Variants in LARP4B observed in about 807,000 individuals in gnomAD.
LARP4B encodes La ribonucleoprotein 4B.
In LARP4B, 12 loss-of-function variants were observed where a neutral mutation model predicts 89.8. That is an observed-to-expected ratio of 0.13 (90% CI 0.09 to 0.22). The LOEUF (loss-of-function observed/expected upper bound fraction) is 0.22, where lower values mean the gene tolerates loss of function less well. Ranked by LOEUF, LARP4B falls within the 10% of genes least tolerant of loss-of-function variation. The pLI is 1.00. For missense variants in LARP4B, 757 were observed against 947.7 expected (o/e 0.80, Z 2.64); for synonymous variants, 367 against 363.3 (o/e 1.01, Z -0.12).
Position 814,846 on chromosome 10 carries a change from G to A in LARP4B, c.1825C>T (p.Pro609Ser), listed in dbSNP as rs759233878. 7 of 1,591,812 alleles carry A rather than the reference G, an allele frequency of 4.4e-6. No homozygotes were observed. The highest frequency in any genetic ancestry group is 4.3e-6 in the Non-Finnish European group (5 of 1,163,744). The change falls in exon 17 of 18, where the codon CCC becomes TCC. Residue 609 changes from proline (P) to serine (S), a missense_variant. Around this residue, in one of 5 missense-constraint regions of LARP4B, gnomAD observed 387 missense variants for 423.6 expected, o/e 0.91. Transcript: ENST00000316157. This position sits in a 1 kb window ranked among gnomAD's most constrained non-coding sequence, Gnocchi z 4.4. ...SPSPAHLPDD[P>S]KVAEKQRETH... ...TCCCTCTGTTTCTCCGCCACCTTGG[G>A]ATCACTGTAAAAATGCCACCCGATA... is the stretch of plus-strand genomic sequence containing the variant.
intron 3 of LARP4B, among the ~76,000 whole-genome samples, chr10:868,091 CA>C (rs1015871398): frequency 6.6e-6 from 1 of 151,790 alleles, no homozygotes; most frequent in Non-Finnish European, 1.5e-5. Flanking sequence ...AATAACGTAT[CA>C]ATTAATAAGC....
chr10:915,185 T>C lies in LARP4B; in HGVS notation c.-40+16243A>G, dbSNP rs1588987080. Among the ~76,000 whole-genome samples the C allele has an allele frequency of 3.3e-5, 5 of 152,150 alleles. No individual in the cohort carries two copies. The South Asian group carries it at 1.0e-3, about 32-fold the overall frequency. On this transcript the variant is annotated intron_variant, in intron 1 of 17. Coordinates refer to ENST00000316157, the MANE Select transcript of LARP4B (RefSeq NM_015155.3). ...TAAAATAGCTTTATACTCAGGAGGC[T>C]GAGGTGGGAGGATCACTTGAGCCCA...
At chr10:854,093 C>T (rs1834183628) in intron 5 of LARP4B, among the ~76,000 whole-genome samples, 1 of 152,224 alleles carries the variant, frequency 6.6e-6, no homozygotes, top group African/African-American at 2.4e-5. Flanking sequence ...ATTTTCTTTG[C>T]TCATCCATAA....
At chr10:851,002 A>G (rs1186152279) in intron 5 of LARP4B, among the ~76,000 whole-genome samples, 3 of 152,168 alleles carry the variant, frequency 2.0e-5, no homozygotes, top group South Asian at 2.1e-4. Context: ...CTAAATGACT[A>G]TATCAGAAAA....
chr10:922,434 C>T (rs1243470459), intron 1 of LARP4B, among the ~76,000 whole-genome samples: 1 of 152,168 alleles, frequency 6.6e-6, no homozygotes, highest in East Asian at 1.9e-4. Context: ...GTCAATGGAG[C>T]AAGGCACAGG....
At chr10:843,101 A>G (rs374131748) in intron 6 of LARP4B, 33 bp from the exon 7 acceptor site, 1 of 1,597,570 alleles carries the variant, frequency 6.3e-7, no homozygotes, top group Non-Finnish European at 8.6e-7. Context: ...TTTAATCAGT[A>G]TTTCTTTAAA....
At chr10:842,730 C>T (rs999547888) in intron 7 of LARP4B, among the ~76,000 whole-genome samples, 2 of 152,096 alleles carry the variant, frequency 1.3e-5, no homozygotes, top group Admixed American at 6.5e-5. Flanking sequence ...GGTTTCATAA[C>T]GGGTTCAACT....
chr10:864,907 C>T (rs1421063917), intron 3 of LARP4B, among the ~76,000 whole-genome samples: 4 of 152,128 alleles, frequency 2.6e-5, no homozygotes, highest in East Asian at 1.9e-4. Context: ...AAGCTGAGAT[C>T]GCACCACTGC....
At chr10:813,273 A>C in intron 17 of LARP4B, 60 bp from the exon 18 acceptor site, 1 of 1,472,970 alleles carries the variant, frequency 6.8e-7, no homozygotes, top group South Asian at 1.4e-5. Context: ...ACAAGACAGG[A>C]AATCAAGTTC....
chr10:885,983 C>G (rs1451446017), intron 1 of LARP4B, among the ~76,000 whole-genome samples: 2 of 152,110 alleles, frequency 1.3e-5, no homozygotes, highest in African/African-American at 2.4e-5. Context: ...AAGATGGCCA[C>G]ACTCTAAAAC....
At chr10:924,159 G>A (rs932407428) in intron 1 of LARP4B, among the ~76,000 whole-genome samples, 1 of 152,066 alleles carries the variant, frequency 6.6e-6, no homozygotes, top group Non-Finnish European at 1.5e-5. Context: ...TGGCAAGATC[G>A]CTCAAGCCCA....
intron 3 of LARP4B, among the ~76,000 whole-genome samples, chr10:878,184 C>T (rs557028758): frequency 5.3e-5 from 8 of 152,286 alleles, no homozygotes; most frequent in Non-Finnish European, 8.8e-5. Context: ...AGGACAGGTG[C>T]CAGACTACGA....
intron 3 of LARP4B, among the ~76,000 whole-genome samples, chr10:870,762 C>T (rs557475457): frequency 6.6e-6 from 1 of 152,248 alleles, no homozygotes; most frequent in East Asian, 1.9e-4. Context: ...GTATTATTAC[C>T]AAAGATACCA....
chr10:920,389 C>G (rs539066164), intron 1 of LARP4B, among the ~76,000 whole-genome samples: 1 of 152,200 alleles, frequency 6.6e-6, no homozygotes, highest in Non-Finnish European at 1.5e-5. Flanking sequence ...TCTCAGTTGA[C>G]AAAATAACGT....
chr10:838,584 C>T (rs189354016), intron 7 of LARP4B, among the ~76,000 whole-genome samples: 1 of 152,134 alleles, frequency 6.6e-6, no homozygotes, highest in South Asian at 2.1e-4. Flanking sequence ...CCTGTCAGCA[C>T]AGCAAAAATC....
At chr10:818,199 C>A in intron 14 of LARP4B, 1 of 250,204 alleles carries the variant, frequency 4.0e-6, no homozygotes, top group Non-Finnish European at 7.7e-6. Flanking sequence ...CAGCTGAAGG[C>A]AAGGGAGACA....
rs747723054 is a variant in LARP4B, at chr10:814,035, G to A, written c.1929+707C>T. Among the ~76,000 whole-genome samples, 94 of 152,120 alleles carry A rather than the reference G, an allele frequency of 6.2e-4. 1 individual carries two copies. Among genetic ancestry groups the A allele is most frequent in the Non-Finnish European group, 1.0e-3 (70 of 67,992 alleles). The stretch of plus-strand genomic sequence containing the variant: ...TCAGGACTGTCTGGATCTCCTGACC[G>A]CATGATCTGCCTACCTCGGCCTCCC... On this transcript the variant is annotated intron_variant, in intron 17 of 17. Transcript: ENST00000316157. This position sits in a 1 kb window ranked among gnomAD's most constrained non-coding sequence, Gnocchi z 4.4.
intron 1 of LARP4B, among the ~76,000 whole-genome samples, chr10:917,175 G>T (rs7899045): frequency 0.99 from 151,408 of 152,348 alleles, 75,247 homozygotes; most frequent in Middle Eastern, 1. Flanking sequence ...AAATGATTTT[G>T]ACGACTTTTT....
the LARP4B span, among the ~76,000 whole-genome samples, chr10:945,635 C>G: frequency 6.6e-6 from 1 of 151,418 alleles, no homozygotes. Context: ...TTGCAGTGAG[C>G]CAGGATCACG....
Sources: gnomAD v4.1 joint callset for allele counts (sites outside exome capture counted in the v4.1 genomes callset) on GRCh38, gnomAD v4.1.1 for gene constraint, gnomAD v4.1.1 regional missense constraint, Gnocchi (gnomAD v3.1) non-coding constraint, MANE v1.5 for transcripts, NCBI Gene and HGNC (gene_info 2026-07-23, HGNC 2026-07-21) for gene names.